Variants in ATP12A observed in about 807,000 individuals in gnomAD.
ATP12A encodes the protein ATPase H+/K+ transporting non-gastric alpha2 subunit.
Under a neutral mutation model 111.2 loss-of-function variants are expected in ATP12A, and 81 were observed. The ratio of observed to expected loss-of-function variants is 0.73; its 90% CI spans 0.61 to 0.88. ATP12A has a LOEUF of 0.88. Ranked by LOEUF, ATP12A falls within the 40% of genes least tolerant of loss-of-function variation. The probability of loss-of-function intolerance (pLI) is 0.00; values close to 1 mark genes in which losing one functional copy is unlikely to be tolerated. For missense variants in ATP12A, 1,196 were observed against 1,313.1 expected, an observed-to-expected ratio of 0.91 and a Z score of 1.38; for synonymous variants, 498 against 499.8, an observed-to-expected ratio of 1.00 and a Z score of 0.05.
intron 18 of ATP12A, 61 bp downstream of exon 18, chr13:24,709,548 G>C (rs908582733): frequency 1.5e-5 from 24 of 1,599,362 alleles, no homozygotes; most frequent in East Asian, 2.2e-5. Flanking sequence ...TCACTGGAGT[G>C]GGGGGCACAG....
At position 24,700,873 on chromosome 13, in the gene ATP12A, G is replaced by A. The variant is rs2137711849; in HGVS notation, c.1832G>A (p.Arg611Gln). The A allele has an allele frequency of 1.2e-5, 20 of 1,614,098 alleles. No individual in the cohort carries two copies. Among genetic ancestry groups the A allele is most frequent in the Non-Finnish European group, 1.6e-5 (19 of 1,180,012 alleles). The change falls in exon 13 of 23, where the codon CGG (arginine) becomes CAG (glutamine). Residue 611 changes from arginine to glutamine, a missense_variant. Physicochemically the swap from Arg to Gln is conservative, Grantham distance 43 (BLOSUM62 1). Transcript: ENST00000381946. ...VGLLSMIDPP[R>Q]STVPDAVTKC... ...CTCTTGTCAATGATCGATCCCCCTC[G>A]GTCCACCGTGCCAGATGCAGTCACC...
intron 1 of ATP12A, 120 bp from the exon 2 acceptor site, chr13:24,681,442 A>T: frequency 8.3e-7 from 1 of 1,199,012 alleles, no homozygotes; most frequent in East Asian, 2.4e-5. Context: ...TCCCCAGAGG[A>T]GGGAAGGAAA....
At chr13:24,707,258 A>G (rs770982076) in intron 16 of ATP12A, 21 bp from the exon 17 acceptor site, 15 of 1,614,104 alleles carry the variant, frequency 9.3e-6, no homozygotes, top group East Asian at 2.2e-5. Context: ...TAAGTTCTGA[A>G]GGAGAAACCT....
At chr13:24,704,721 TG>T in intron 14 of ATP12A, 1 of 242,240 alleles carries the variant, frequency 4.1e-6, no homozygotes, top group South Asian at 4.9e-5. Flanking sequence ...CCTACGAATG[TG>T]GGAAGGTGCA....
chr13:24,689,161 G>GT (rs1269976497), intron 4 of ATP12A, 101 bp from the exon 5 acceptor site: 1 of 871,300 alleles, frequency 1.1e-6, no homozygotes, highest in Non-Finnish European at 1.9e-6. Flanking sequence ...ATACCAGGGC[G>GT]TAACTGCCAG....
chr13:24,682,044 G>GTGTGTGTA (rs1874471561), intron 2 of ATP12A, among the ~76,000 whole-genome samples: 1 of 113,368 alleles, frequency 8.8e-6, no homozygotes, highest in African/African-American at 3.3e-5. Flanking sequence ...GTGTATGTGT[G>GTGTGTGTA]TGGTGTGTGT....
chr13:24,708,804 AAAAGAGAAAGAAAG>A (rs1271051408), intron 17 of ATP12A, among the ~76,000 whole-genome samples: 8 of 151,706 alleles, frequency 5.3e-5, no homozygotes, highest in Non-Finnish European at 8.8e-5. Context: ...TGTCTTTTAA[AAAAGAGAAAGAAAG>A]AAAGAGAAAG....
At chr13:24,692,324 G>A in intron 8 of ATP12A, 105 bp from the exon 9 acceptor site, 1 of 1,257,992 alleles carries the variant, frequency 7.9e-7, no homozygotes, top group Non-Finnish European at 1.1e-6. Flanking sequence ...AACTAGTCCA[G>A]CTCTCTCCTA....
chr13:24,693,687 C>T lies in ATP12A; in HGVS notation c.1378-757C>T, dbSNP rs1158787583. ...GCCTGGCTGCACATCAGTGCCTTGC[C>T]GCAATTTTCTAATTGTCTATGATAT... On this transcript the variant is annotated intron_variant, in intron 10 of 22. Transcript: ENST00000381946. Among the ~76,000 whole-genome samples the T allele has an allele frequency of 3.9e-5, 6 of 152,152 alleles. No homozygotes were observed. The East Asian group carries it at 7.7e-4, about 20-fold the overall frequency.
At chr13:24,706,871 CTCA>C in intron 15 of ATP12A, 149 bp from the exon 16 acceptor site, 1 of 873,866 alleles carries the variant, frequency 1.1e-6, no homozygotes, top group Non-Finnish European at 1.7e-6. Flanking sequence ...TCTAAGATTT[CTCA>C]TCTTTATCTT....
rs547295707 is a variant in ATP12A, at chr13:24,686,649, GAA to G, written c.228+1277_228+1278del. Among the ~76,000 whole-genome samples, 105 of 152,216 alleles carry G rather than the reference GAA, an allele frequency of 6.9e-4. No homozygotes were observed. The Middle Eastern group carries it at 0.01, about 15-fold the overall frequency. Reference sequence around the variant, plus strand: ...AGCTACTCGGGAGGCTGAGGCAGGAGAATGGCGTGAACCTGGGAGGCGGAGCT... The same window carrying G: ...AGCTACTCGGGAGGCTGAGGCAGGAGTGGCGTGAACCTGGGAGGCGGAGCT... On this transcript the variant is annotated intron_variant, in intron 3 of 22. Coordinates refer to ENST00000381946, the MANE Select transcript of ATP12A (RefSeq NM_001676.7).
chr13:24,694,692 G>A lies in ATP12A; in HGVS notation c.1512+114G>A, dbSNP rs746923459. On this transcript the variant is annotated intron_variant, in intron 11 of 22. Coordinates refer to ENST00000381946, the MANE Select transcript of ATP12A (RefSeq NM_001676.7). ...AGGATACCTGGCTTCAAAGACAGTC[G>A]TCAGGGATACAGCACCCAGGCATCT... 7.2e-5 allele frequency: 110 copies of A among 1,523,850 alleles called. 1 individual carries two copies. The highest frequency in any genetic ancestry group is 4.7e-4 in the Middle Eastern group (2 of 4,260). The allele number at this position is 1,523,850 out of a possible 1,614,324, so 94.4% of individuals were successfully genotyped here.
intron 17 of ATP12A, among the ~76,000 whole-genome samples, chr13:24,708,900 G>GGAAA (rs764913574): frequency 0.11 from 7,160 of 65,068 alleles, 380 homozygotes; most frequent in Middle Eastern, 0.16. Flanking sequence ...AAGAAAGAAA[G>GGAAA]GAAAGAAAGA....
chr13:24,698,601 A>G, intron 11 of ATP12A, 57 bp from the exon 12 acceptor site: 1 of 1,547,502 alleles, frequency 6.5e-7, no homozygotes, highest in South Asian at 1.2e-5. Flanking sequence ...ACCAGTAGAG[A>G]AGAAGGAATG....
At position 24,692,445 on chromosome 13, in the gene ATP12A, CA is replaced by C. The variant is rs751336859; in HGVS notation, c.1086del (p.Ala363GlnfsTer11). ...TCCTGCTAGGTGACCCTGTCGCTGA[CA>C]GCAAAACGGATGGCCAAGAAGAACT... ...LATVTVTLSL[T>X]AKRMAKKNCL... On this transcript the variant is annotated frameshift_variant, in exon 9 of 23. Transcript: ENST00000381946. LOFTEE classifies it high-confidence loss of function. 7 of 1,613,754 alleles carry C rather than the reference CA, an allele frequency of 4.3e-6. No homozygotes were observed. Among genetic ancestry groups the C allele is most frequent in the Non-Finnish European group, 3.4e-6 (4 of 1,180,038 alleles).
chr13:24,705,540 A>G (rs1875589057), intron 14 of ATP12A, among the ~76,000 whole-genome samples: 2 of 152,272 alleles, frequency 1.3e-5, no homozygotes, highest in Admixed American at 6.5e-5. Flanking sequence ...ACTTCTGCCT[A>G]CGTAGCACAT....
intron 2 of ATP12A, 31 bp downstream of exon 2, chr13:24,681,751 G>A (rs1451908918): frequency 1.2e-6 from 2 of 1,613,008 alleles, no homozygotes; most frequent in South Asian, 1.1e-5. Context: ...GGGTCCTGCC[G>A]GCTATGGCCC....
At chr13:24,710,329 C>A in intron 19 of ATP12A, 131 bp from the exon 20 acceptor site, 2 of 1,105,322 alleles carry the variant, frequency 1.8e-6, no homozygotes, top group Non-Finnish European at 2.6e-6. Flanking sequence ...TCTTTCCAAA[C>A]ACTAGAAGGT....
intron 12 of ATP12A, among the ~76,000 whole-genome samples, chr13:24,699,860 C>T (rs997587779): frequency 2.6e-5 from 4 of 152,204 alleles, no homozygotes; most frequent in African/African-American, 9.6e-5. Flanking sequence ...TGGAAGTCCT[C>T]ACCAATACAG....
Sources: gnomAD v4.1 joint callset for allele counts (sites outside exome capture counted in the v4.1 genomes callset) on GRCh38, gnomAD v4.1.1 for gene constraint, MANE v1.5 for transcripts, NCBI Gene and HGNC (gene_info 2026-07-23, HGNC 2026-07-21) for gene names.